The following PRMT8 variants were observed in gnomAD, a reference collection of about 807,000 sequenced individuals.
PRMT8 encodes the protein protein arginine N-methyltransferase 8.
Under a neutral mutation model 47.1 loss-of-function variants are expected in PRMT8, and 7 were observed. The observed-to-expected ratio is 0.15, with a 90% CI of 0.08 to 0.28. PRMT8 has a LOEUF of 0.28. Ranked by LOEUF, PRMT8 falls within the 10% of genes least tolerant of loss-of-function variation. PRMT8 has a pLI of 1.00. For synonymous variants in PRMT8, 188 were observed against 186.5 expected, an observed-to-expected ratio of 1.01 and a Z score of -0.07; for missense variants, 237 against 505.4, an observed-to-expected ratio of 0.47 and a Z score of 5.09.
chr12:3,517,995 C>T (rs1591580795), intron 1 of PRMT8, among the ~76,000 whole-genome samples: 3 of 151,834 alleles, frequency 2.0e-5, no homozygotes, highest in South Asian at 2.1e-4. Flanking sequence ...ATGGGTTATG[C>T]TCTTTGTTGG....
intron 1 of PRMT8, among the ~76,000 whole-genome samples, chr12:3,525,826 A>AT (rs1865943066): frequency 6.6e-6 from 1 of 152,162 alleles, no homozygotes; most frequent in Non-Finnish European, 1.5e-5. Flanking sequence ...TCTCCTTGTG[A>AT]TTCTATCAGA....
chr12:3,532,611 CAAAAAAAAAAAAAA>C (rs35698030), intron 1 of PRMT8, among the ~76,000 whole-genome samples: 10 of 24,644 alleles, frequency 4.1e-4, no homozygotes, highest in African/African-American at 5.1e-4. Flanking sequence ...GACTCCGTCT[CAAAAAAAAAAAAAA>C]AAAAAAAAAA....
chr12:3,549,660 CT>C (rs1392223622), intron 2 of PRMT8, among the ~76,000 whole-genome samples: 1 of 152,120 alleles, frequency 6.6e-6, no homozygotes, highest in East Asian at 1.9e-4. Flanking sequence ...TCCTTTGGTC[CT>C]TTAGTAAATC....
At chr12:3,411,470 C>G (rs1427443086) in intron 1 of PRMT8, among the ~76,000 whole-genome samples, 1 of 152,170 alleles carries the variant, frequency 6.6e-6, no homozygotes, top group Non-Finnish European at 1.5e-5. Flanking sequence ...CCAGTACATA[C>G]TGGAGGTGGA....
At chr12:3,516,565 A>G (rs1348797232) in intron 1 of PRMT8, among the ~76,000 whole-genome samples, 1 of 152,202 alleles carries the variant, frequency 6.6e-6, no homozygotes, top group East Asian at 1.9e-4. Flanking sequence ...GTAAGAAAAT[A>G]GAATGTGATG....
chr12:3,428,739 T>C (rs1312022936), intron 1 of PRMT8, among the ~76,000 whole-genome samples: 1 of 152,058 alleles, frequency 6.6e-6, no homozygotes, highest in Non-Finnish European at 1.5e-5. Context: ...TCCTTTTGCC[T>C]CTGTCTCTTC....
At chr12:3,388,236 T>C (rs1193602019) in intron 1 of PRMT8, among the ~76,000 whole-genome samples, 1 of 152,200 alleles carries the variant, frequency 6.6e-6, no homozygotes, top group Non-Finnish European at 1.5e-5. Context: ...TTCAAGCTTC[T>C]TGTTTTGCAA....
chr12:3,576,852 T>G lies in PRMT8; in HGVS notation c.713-19T>G. On this transcript the variant is annotated intron_variant, in intron 6 of 9. Coordinates refer to ENST00000382622, the MANE Select transcript of PRMT8 (RefSeq NM_019854.5). The surrounding 1 kb of genome is among the most constrained non-coding windows in gnomAD (Gnocchi z 4.0). Reference sequence around the variant, plus strand: ...TGGGGGTCCTGCGCCTGCCTTCACGTCTTGCTCTGCTCCCACAGGGTGGGA... The same window carrying G: ...TGGGGGTCCTGCGCCTGCCTTCACGGCTTGCTCTGCTCCCACAGGGTGGGA... 6.2e-7 allele frequency: 1 copy of G among 1,608,676 alleles called. No individual in the cohort carries two copies. Among genetic ancestry groups the G allele is most frequent in the Non-Finnish European group, 8.5e-7 (1 of 1,175,314 alleles).
At chr12:3,394,289 G>A (rs375688913) in intron 1 of PRMT8, among the ~76,000 whole-genome samples, 15 of 152,286 alleles carry the variant, frequency 9.8e-5, no homozygotes, top group Middle Eastern at 3.4e-3. Flanking sequence ...GTGTTGTGCC[G>A]GTTTTCAAAG....
intron 1 of PRMT8, among the ~76,000 whole-genome samples, chr12:3,539,789 A>G (rs533593178): frequency 1.3e-5 from 2 of 152,300 alleles, no homozygotes; most frequent in African/African-American, 4.8e-5. Context: ...GCACCCAGAA[A>G]TAGCAATAAT....
At chr12:3,393,604 G>T (rs373603516) in intron 1 of PRMT8, among the ~76,000 whole-genome samples, 73 of 150,896 alleles carry the variant, frequency 4.8e-4, no homozygotes, top group Non-Finnish European at 3.7e-4. Flanking sequence ...CCATGCTGTT[G>T]TGGTTACTGT....
chr12:3,483,320 C>T (rs779728712), intron 1 of PRMT8, among the ~76,000 whole-genome samples: 1 of 152,176 alleles, frequency 6.6e-6, no homozygotes, highest in African/African-American at 2.4e-5. Flanking sequence ...GGTTTCCATC[C>T]CTGGAGACGA....
intron 1 of PRMT8, among the ~76,000 whole-genome samples, chr12:3,451,939 G>A (rs956802746): frequency 6.6e-6 from 1 of 152,082 alleles, no homozygotes; most frequent in Non-Finnish European, 1.5e-5. Flanking sequence ...AGATAGATGC[G>A]GCTTCTCCAC....
intron 1 of PRMT8, among the ~76,000 whole-genome samples, chr12:3,481,508 C>T (rs7963832): frequency 0.1 from 15,937 of 152,178 alleles, 919 homozygotes; most frequent in African/African-American, 0.14. Flanking sequence ...GGTTAGGGCT[C>T]ATCTAATTCT....
chr12:3,540,616 C>CCCCAA lies in PRMT8; in HGVS notation c.89_90insAACCC (p.Ser31ThrfsTer37). 9.0e-7 allele frequency: 1 copy of CCCCAA among 1,116,940 alleles called. No homozygotes were observed. Among genetic ancestry groups the CCCCAA allele is most frequent in the Non-Finnish European group, 1.4e-6 (1 of 737,336 alleles). 69.2% of individuals were successfully genotyped at this position (1,116,940 alleles called of 1,614,324 possible). On this transcript the variant is annotated frameshift_variant, in exon 2 of 10. Transcript: ENST00000382622. LOFTEE classifies it high-confidence loss of function. ...TTCTCTTCCCCTCAGGTGAACAGCC[C>CCCCAA]CCCCTCCCAGCCCCCCCAGCCCGTC...
chr12:3,465,416 C>T (rs1315443569), intron 1 of PRMT8, among the ~76,000 whole-genome samples: 1 of 151,638 alleles, frequency 6.6e-6, no homozygotes, highest in East Asian at 1.9e-4. Context: ...GCAAACTGTC[C>T]ACTGGAATAA....
chr12:3,562,638 A>C (rs746949121), intron 4 of PRMT8, among the ~76,000 whole-genome samples: 8 of 152,158 alleles, frequency 5.3e-5, no homozygotes, highest in Non-Finnish European at 1.2e-4. Context: ...ATCTCTTCTC[A>C]ACTCTGCCTT....
At chr12:3,434,165 C>A (rs1013729974) in intron 1 of PRMT8, among the ~76,000 whole-genome samples, 1 of 152,086 alleles carries the variant, frequency 6.6e-6, no homozygotes, top group Non-Finnish European at 1.5e-5. Context: ...TAGTCATTAA[C>A]AAGAAAGCAC....
chr12:3,533,480 G>A (rs565669946), intron 1 of PRMT8, among the ~76,000 whole-genome samples: 1 of 152,348 alleles, frequency 6.6e-6, no homozygotes, highest in South Asian at 2.1e-4. Context: ...ATCAGCAATC[G>A]TTAGTGTATT....
Sources: gnomAD v4.1 joint callset for allele counts (sites outside exome capture counted in the v4.1 genomes callset) on GRCh38, gnomAD v4.1.1 for gene constraint, Gnocchi (gnomAD v3.1) non-coding constraint, MANE v1.5 for transcripts, NCBI Gene and HGNC (gene_info 2026-07-23, HGNC 2026-07-21) for gene names.